The following PCDHA1 variants were observed in gnomAD, a reference collection of about 807,000 sequenced individuals.
PCDHA1 encodes protocadherin alpha 1.
In PCDHA1, 42 loss-of-function variants were observed where a neutral mutation model predicts 61.3. That is an observed-to-expected ratio of 0.69 (90% CI 0.54 to 0.89). The LOEUF is 0.89. Among genes scored for constraint, PCDHA1 ranks in the 40% least tolerant of loss-of-function variants. The pLI, the probability that PCDHA1 is intolerant of heterozygous loss-of-function variation, is 0.00. For missense variants in PCDHA1, 1,256 were observed against 1,235.3 expected (o/e 1.02, Z -0.25); for synonymous variants, 610 against 553.8 (o/e 1.10, Z -1.43).
At chr5:140,947,647 A>G (rs1192426462) in intron 1 of PCDHA1, among the ~76,000 whole-genome samples, 1 of 151,646 alleles carries the variant, frequency 6.6e-6, no homozygotes, top group African/African-American at 2.4e-5. Flanking sequence ...ATGAACATAT[A>G]TACCTCCATT....
intron 1 of PCDHA1, chr5:140,841,803 A>C (rs1311079057): frequency 6.2e-7 from 1 of 1,613,804 alleles, no homozygotes; most frequent in African/African-American, 1.3e-5. Flanking sequence ...TCCGATGCAG[A>C]TGTTGGAGCT....
At chr5:140,972,415 A>G (rs1048437043) in intron 1 of PCDHA1, among the ~76,000 whole-genome samples, 2 of 152,138 alleles carry the variant, frequency 1.3e-5, no homozygotes, top group East Asian at 3.9e-4. Flanking sequence ...AACCCTGTTA[A>G]GATCTTTTAT....
intron 1 of PCDHA1, among the ~76,000 whole-genome samples, chr5:140,965,602 A>G (rs1319736678): frequency 6.6e-6 from 1 of 152,126 alleles, no homozygotes; most frequent in African/African-American, 2.4e-5. Context: ...AGACTCTTGA[A>G]GACATTGTCA....
rs192086826 is a variant in PCDHA1, at chr5:140,981,520, G to C, written c.2454-955G>C. ...ACCTGGGAGGCAGAGGTTGCAGTGA[G>C]CTGAGATCGTGCCACTGTACTCCAG... On this transcript the variant is annotated intron_variant, in intron 2 of 3. Coordinates refer to ENST00000504120, the MANE Select transcript of PCDHA1 (RefSeq NM_018900.4). Among the ~76,000 whole-genome samples the C allele has an allele frequency of 3.3e-5, 5 of 152,342 alleles. No homozygotes were observed. The East Asian group carries it at 9.6e-4, about 29-fold the overall frequency.
rs2041909016 is a variant in PCDHA1, at chr5:140,850,973, A to G, written c.2394+62289A>G. 2.1e-6 allele frequency: 3 copies of G among 1,455,694 alleles called. No individual in the cohort carries two copies. In the South Asian group the frequency reaches 4.4e-5, roughly 21 times the overall value. 90.2% of individuals were successfully genotyped at this position (1,455,694 alleles called of 1,614,324 possible). A position where few individuals can be genotyped will look rare whatever the true frequency, so the allele number is the denominator to read the frequency against. ...GATTACTCCCAGGGGCCGTTCAAATAGTTTTATTCATTTTTCTAGAAATCC... is the reference window on the plus strand; with the variant it reads ...GATTACTCCCAGGGGCCGTTCAAATGGTTTTATTCATTTTTCTAGAAATCC... On this transcript the variant is annotated intron_variant, in intron 1 of 3. Transcript: ENST00000504120.
intron 1 of PCDHA1, chr5:140,863,161 C>T (rs1554157875): frequency 3.1e-6 from 2 of 650,330 alleles, no homozygotes; most frequent in East Asian, 4.4e-5. Flanking sequence ...CCACTGCGAG[C>T]TGGCGCTGAC....
At chr5:140,824,119 A>G (rs1343333286) in intron 1 of PCDHA1, 1 of 1,613,878 alleles carries the variant, frequency 6.2e-7, no homozygotes, top group Non-Finnish European at 8.5e-7. Flanking sequence ...TCCCACCTCT[A>G]CAGACAACGT....
chr5:140,850,420 C>T lies in PCDHA1; in HGVS notation c.2394+61736C>T. The T allele has an allele frequency of 1.9e-6, 3 of 1,597,930 alleles. 1 individual carries two copies. The highest frequency in any genetic ancestry group is 2.6e-6 in the Non-Finnish European group (3 of 1,167,744). ...ACGCGTGCCCTGGACGAAACGGACG[C>T]ACCGCGCCAGCGCCTACTGGTGCTG... On this transcript the variant is annotated intron_variant, in intron 1 of 3. Transcript: ENST00000504120.
intron 3 of PCDHA1, among the ~76,000 whole-genome samples, chr5:140,997,458 G>A (rs1167865060): frequency 5.3e-5 from 8 of 152,070 alleles, no homozygotes; most frequent in African/African-American, 1.7e-4. Flanking sequence ...ACTGAATACT[G>A]TAGGCAATTT....
intron 1 of PCDHA1, chr5:140,859,908 T>C (rs1554152827): frequency 6.6e-6 from 1 of 150,380 alleles, no homozygotes; most frequent in Non-Finnish European, 1.5e-5. Context: ...CTTAATGTCT[T>C]ATATTATAAG....
At chr5:140,840,534 A>G (rs1554137817) in intron 1 of PCDHA1, among the ~76,000 whole-genome samples, 1 of 152,088 alleles carries the variant, frequency 6.6e-6, no homozygotes, top group East Asian at 1.9e-4. Flanking sequence ...TGAAGAACTA[A>G]CAAGCCAATG....
At chr5:140,801,379 C>T (rs7731327) in intron 1 of PCDHA1, 2 of 1,613,474 alleles carry the variant, frequency 1.2e-6, no homozygotes, top group Non-Finnish European at 1.7e-6. Context: ...GAGCTGGTGC[C>T]GCGCCTGTTC....
Position 140,841,611 on chromosome 5 carries a change from G to A in PCDHA1, c.2394+52927G>A, listed in dbSNP as rs2150319293. ...CGGATCGACCGCGAGGAGCTGTGCG[G>A]GCGGAGCGCGGAGTGCAGCATCCAC... On this transcript the variant is annotated intron_variant, in intron 1 of 3. Transcript: ENST00000504120. 6 of 1,614,136 alleles carry A rather than the reference G, an allele frequency of 3.7e-6. No individual in the cohort carries two copies. The highest frequency in any genetic ancestry group is 4.2e-6 in the Non-Finnish European group (5 of 1,180,014).
chr5:140,804,879 C>A, intron 1 of PCDHA1: 4 of 562,574 alleles, frequency 7.1e-6, no homozygotes, highest in South Asian at 3.1e-5. Context: ...TTTTTCTTGA[C>A]TCCTCTCCTT....
At chr5:140,842,393 C>T in intron 1 of PCDHA1, 4 of 1,611,054 alleles carry the variant, frequency 2.5e-6, no homozygotes, top group Non-Finnish European at 3.4e-6. Context: ...CTTATCCTTG[C>T]CTGTACGTGA....
intron 1 of PCDHA1, among the ~76,000 whole-genome samples, chr5:140,840,697 A>G (rs2150308964): frequency 0.01 from 1,558 of 152,188 alleles, 49 homozygotes; most frequent in African/African-American, 0.036. Context: ...AAAACGGTTC[A>G]GGCAATTTGA....
In PCDHA1 at chr5:140,857,206, C is replaced by T. The variant is rs1554149659; in HGVS notation, c.2394+68522C>T. On this transcript the variant is annotated intron_variant, in intron 1 of 3. Transcript: ENST00000504120. Reference sequence around the variant, plus strand: ...CAGGAGCCAACGGACAGGTCACCTGCTCTCTGACGCCTCACGTTCCGTTCA... The same window carrying T: ...CAGGAGCCAACGGACAGGTCACCTGTTCTCTGACGCCTCACGTTCCGTTCA... The T allele has an allele frequency of 2.5e-6, 4 of 1,598,614 alleles. No homozygotes were observed. The South Asian group carries it at 3.3e-5, about 13-fold the overall frequency.
chr5:140,850,762 A>T, intron 1 of PCDHA1: 1 of 1,598,020 alleles, frequency 6.3e-7, no homozygotes, highest in South Asian at 1.1e-5. Context: ...CAGAGGAGGC[A>T]GAGGGTGTGC....
Position 140,857,130 on chromosome 5 carries a change from A to T in PCDHA1, c.2394+68446A>T, listed in dbSNP as rs1554149562. 6.3e-7 allele frequency: 1 copy of T among 1,598,310 alleles called. No individual in the cohort carries two copies. The highest frequency in any genetic ancestry group is 8.6e-7 in the Non-Finnish European group (1 of 1,167,812). On this transcript the variant is annotated intron_variant, in intron 1 of 3. Coordinates refer to ENST00000504120, the MANE Select transcript of PCDHA1 (RefSeq NM_018900.4). Reference sequence around the variant, plus strand: ...TCTCTGTCTCTCCCAGTGAAAGAAGATGCTCAAGTGGGCACCGTCATTGCC... The same window carrying T: ...TCTCTGTCTCTCCCAGTGAAAGAAGTTGCTCAAGTGGGCACCGTCATTGCC...
Sources: gnomAD v4.1 joint callset for allele counts (sites outside exome capture counted in the v4.1 genomes callset) on GRCh38, gnomAD v4.1.1 for gene constraint, MANE v1.5 for transcripts, NCBI Gene and HGNC (gene_info 2026-07-23, HGNC 2026-07-21) for gene names.